The following WDPCP variants were observed in gnomAD, a reference collection of about 807,000 sequenced individuals.
WDPCP encodes the protein WD repeat containing planar cell polarity effector.
A neutral mutation model predicts 93.1 loss-of-function variants in WDPCP; 71 were observed. That is an observed-to-expected ratio of 0.76 (90% confidence interval 0.63 to 0.93). The LOEUF (loss-of-function observed/expected upper bound fraction) is 0.93, where lower values mean the gene tolerates loss of function less well. WDPCP is among the 40% of genes least tolerant of loss of function. WDPCP has a pLI of 0.00. For missense variants in WDPCP, 844 were observed against 887.4 expected (o/e 0.95, Z 0.62); for synonymous variants, 315 against 315.0 (o/e 1.00, Z 0.00).
intron 17 of WDPCP, among the ~76,000 whole-genome samples, chr2:63,122,684 AG>A (rs774981733): frequency 1.8e-4 from 28 of 152,154 alleles, no homozygotes; most frequent in Non-Finnish European, 3.4e-4. Flanking sequence ...ACTAAAGATG[AG>A]TGATATTATG....
rs540648614 is a variant in WDPCP at position 63,504,706 on chromosome 2, G to A, written c.76-11766C>T. Among the ~76,000 whole-genome samples the A allele has an allele frequency of 8.4e-4, 128 of 152,038 alleles. 1 individual carries two copies. The South Asian group carries it at 0.012, about 14-fold the overall frequency. ...CTTGTATAATTAATCCATGGAAAGG[G>A]ATATGGATGGAAACTATCTTCTGAC... is the stretch of plus-strand genomic sequence containing the variant. On this transcript the variant is annotated intron_variant, in intron 1 of 17. Coordinates refer to ENST00000272321, the MANE Select transcript of WDPCP (RefSeq NM_015910.7).
intron 2 of WDPCP, among the ~76,000 whole-genome samples, chr2:63,721,792 C>T (rs888556226): frequency 2.0e-5 from 3 of 151,356 alleles, no homozygotes; most frequent in African/African-American, 4.9e-5. Context: ...CATGCTGAGC[C>T]GAAGCTGGAC....
chr2:63,460,178 T>G (rs923608937), intron 6 of WDPCP, among the ~76,000 whole-genome samples: 1 of 152,196 alleles, frequency 6.6e-6, no homozygotes, highest in African/African-American at 2.4e-5. Flanking sequence ...TCATGCATTT[T>G]GTAGCAACAT....
At chr2:63,398,375 G>A (rs1575328276) in intron 10 of WDPCP, among the ~76,000 whole-genome samples, 3 of 152,298 alleles carry the variant, frequency 2.0e-5, no homozygotes, top group East Asian at 3.9e-4. Flanking sequence ...CACATAAAGA[G>A]ATTCTGAATA....
intron 10 of WDPCP, among the ~76,000 whole-genome samples, chr2:63,401,779 T>C (rs1022053035): frequency 9.9e-5 from 15 of 152,066 alleles, no homozygotes; most frequent in Admixed American, 3.3e-4. Flanking sequence ...CACTCCAGCC[T>C]GGGTGACAGA....
intron 13 of WDPCP, among the ~76,000 whole-genome samples, chr2:63,302,397 C>T (rs182810676): frequency 6.6e-6 from 1 of 152,334 alleles, no homozygotes; most frequent in African/African-American, 2.4e-5. Context: ...TACCTGTTCA[C>T]AATCTTAATT....
chr2:63,174,936 T>A, intron 14 of WDPCP, 104 bp from the exon 15 acceptor site: 1 of 1,287,496 alleles, frequency 7.8e-7, no homozygotes, highest in Non-Finnish European at 1.1e-6. Context: ...CAGTGGAACT[T>A]TTTTCTTTGT....
At position 63,588,249 on chromosome 2, in the gene WDPCP, T is replaced by C. The variant is rs1454378621; in HGVS notation, c.23A>G (p.Asp8Gly). Residue 8 changes from aspartate (D) to glycine (G), a missense_variant, in exon 1 of 18, where the codon GAC becomes GGC. Physicochemically the swap from Asp to Gly is moderately conservative, Grantham distance 94. Coordinates refer to ENST00000272321, the MANE Select transcript of WDPCP (RefSeq NM_015910.7). ...ACTCCCGGCCGCTTTGGAGTAGGCG[T>C]CCCAGCAAAACTCTCGCCTCATCAC... The part of the protein sequence containing the change: MRREFCW[D>G]AYSKAAGSRA... The C allele has an allele frequency of 1.3e-6, 2 of 1,577,566 alleles. No homozygotes were observed. Among genetic ancestry groups the C allele is most frequent in the East Asian group, 2.4e-5 (1 of 42,476 alleles).
chr2:63,749,652 T>C (rs1669850833), intron 2 of WDPCP, among the ~76,000 whole-genome samples: 1 of 152,120 alleles, frequency 6.6e-6, no homozygotes, highest in Non-Finnish European at 1.5e-5. Context: ...TAAGCCATGA[T>C]GTTTAGTAGG....
chr2:63,589,586 C>T (rs1709117922), upstream of WDPCP, among the ~76,000 whole-genome samples: 1 of 152,152 alleles, frequency 6.6e-6, no homozygotes, highest in African/African-American at 2.4e-5. Flanking sequence ...ATTTGGAACC[C>T]GTTCATTGAC....
At chr2:63,638,326 C>T (rs1373027520) in intron 3 of WDPCP, among the ~76,000 whole-genome samples, 1 of 149,434 alleles carries the variant, frequency 6.7e-6, no homozygotes, top group East Asian at 1.9e-4. Context: ...CTCTCTCTCT[C>T]ACATACACAC....
intron 2 of WDPCP, among the ~76,000 whole-genome samples, chr2:63,710,375 T>A (rs1289470864): frequency 6.6e-6 from 1 of 152,200 alleles, no homozygotes; most frequent in African/African-American, 2.4e-5. Context: ...AAACATATCT[T>A]CTCCTTTCCA....
At chr2:63,155,208 G>A (rs1672153010) in intron 15 of WDPCP, among the ~76,000 whole-genome samples, 1 of 152,022 alleles carries the variant, frequency 6.6e-6, no homozygotes, top group Non-Finnish European at 1.5e-5. Flanking sequence ...TTAATCCCAG[G>A]TCACAAATAT....
upstream of WDPCP, among the ~76,000 whole-genome samples, chr2:63,828,521 G>A (rs978527225): frequency 6.6e-6 from 1 of 152,084 alleles, no homozygotes; most frequent in Non-Finnish European, 1.5e-5. Flanking sequence ...CTAGAACGGT[G>A]CCTAAGGCTC....
At chr2:63,433,688 T>C in intron 9 of WDPCP, 57 bp downstream of exon 9, 1 of 1,429,662 alleles carries the variant, frequency 7.0e-7, no homozygotes, top group Non-Finnish European at 9.5e-7. Flanking sequence ...ATAGAAAATC[T>C]AATAATTCTA....
intron 17 of WDPCP, among the ~76,000 whole-genome samples, chr2:63,139,048 G>A (rs1369348564): frequency 1.3e-5 from 2 of 152,048 alleles, no homozygotes; most frequent in Non-Finnish European, 2.9e-5. Flanking sequence ...TTTTATGGCT[G>A]CATAGTACTC....
chr2:63,481,841 G>T (rs577468006), intron 6 of WDPCP, among the ~76,000 whole-genome samples: 6 of 151,380 alleles, frequency 4.0e-5, no homozygotes, highest in African/African-American at 1.5e-4. Context: ...CACCACCAAA[G>T]AACTTATTCA....
chr2:63,808,075 T>C (rs1670794161), intron 2 of WDPCP, among the ~76,000 whole-genome samples: 1 of 152,126 alleles, frequency 6.6e-6, no homozygotes, highest in Non-Finnish European at 1.5e-5. Context: ...CTCTGAACAT[T>C]AAGACCTTTA....
At chr2:63,811,423 A>T (rs760731042) in intron 2 of WDPCP, among the ~76,000 whole-genome samples, 3 of 152,172 alleles carry the variant, frequency 2.0e-5, no homozygotes, top group Non-Finnish European at 4.4e-5. Context: ...GCCTCTAGGA[A>T]CTACAGGTGG....
Sources: allele counts gnomAD v4.1 joint callset (sites outside exome capture counted in the v4.1 genomes callset), GRCh38; gene constraint gnomAD v4.1.1; transcripts MANE v1.5; gene names NCBI Gene and HGNC (gene_info 2026-07-23, HGNC 2026-07-21).